Variants in RASAL2 observed in about 807,000 individuals in gnomAD.
RASAL2 encodes RAS protein activator like 2.
Under a neutral mutation model 128.9 loss-of-function variants are expected in RASAL2, and 58 were observed. The ratio of observed to expected loss-of-function variants is 0.45; its 90% CI spans 0.36 to 0.56. The LOEUF (loss-of-function observed/expected upper bound fraction) is 0.56, where lower values mean the gene tolerates loss of function less well. Ranked by LOEUF, RASAL2 falls within the 20% of genes least tolerant of loss-of-function variation. RASAL2 has a pLI of 0.00. For missense variants in RASAL2, 1,360 were observed against 1,601.6 expected (o/e 0.85, Z 2.57); for synonymous variants, 561 against 580.8 (o/e 0.97, Z 0.49).
chr1:178,099,632 T>G (rs987332184), intron 1 of RASAL2, among the ~76,000 whole-genome samples: 5 of 152,232 alleles, frequency 3.3e-5, no homozygotes, highest in Non-Finnish European at 7.3e-5. Flanking sequence ...CAAAACCATT[T>G]GGACTAGACA....
rs189271329 is a variant in RASAL2 at position 178,139,795 on chromosome 1, A to G, written c.202+45101A>G. 7.7e-4 allele frequency among the ~76,000 whole-genome samples: 117 copies of G among 152,138 alleles called. 1 individual carries two copies. The highest frequency in any genetic ancestry group is 9.8e-4 in the Admixed American group (15 of 15,282). ...AGTGATAAAATTATCTAAACACCCTATTACCTTTTATGGGAATGAAATGTA... is the reference window on the plus strand; with the variant it reads ...AGTGATAAAATTATCTAAACACCCTGTTACCTTTTATGGGAATGAAATGTA... On this transcript the variant is annotated intron_variant, in intron 1 of 17. Transcript: ENST00000367649.
chr1:178,265,820 A>T (rs543179372), intron 1 of RASAL2, among the ~76,000 whole-genome samples: 33 of 152,320 alleles, frequency 2.2e-4, no homozygotes, highest in Non-Finnish European at 3.7e-4. Context: ...CTGACTTTTA[A>T]TACTATAGAT....
At chr1:178,368,991 G>T (rs16852737) in intron 3 of RASAL2, among the ~76,000 whole-genome samples, 7,133 of 152,080 alleles carry the variant, frequency 0.047, 555 homozygotes, top group African/African-American at 0.16. Flanking sequence ...TTAGCAAAAT[G>T]TACAGCCCAC....
chr1:178,472,980 CTGTT>C (rs1648409757), intron 17 of RASAL2, 91 bp from the exon 18 acceptor site: 3 of 1,417,870 alleles, frequency 2.1e-6, no homozygotes, highest in Non-Finnish European at 2.9e-6. Context: ...ATGCATACAA[CTGTT>C]TGAGAGAAAG....
chr1:178,451,511 T>C, intron 9 of RASAL2, 60 bp from the exon 10 acceptor site: 14 of 1,520,626 alleles, frequency 9.2e-6, no homozygotes, highest in Non-Finnish European at 1.2e-5. Context: ...CATAAGTCCT[T>C]TTATTCTATT....
At chr1:178,429,021 G>A (rs1675712538) in intron 5 of RASAL2, among the ~76,000 whole-genome samples, 1 of 152,080 alleles carries the variant, frequency 6.6e-6, no homozygotes. Flanking sequence ...GAAATTTGAA[G>A]CTGACTTTTC....
intron 1 of RASAL2, among the ~76,000 whole-genome samples, chr1:178,181,266 C>T (rs754180956): frequency 1.3e-5 from 2 of 152,052 alleles, no homozygotes; most frequent in Non-Finnish European, 2.9e-5. Flanking sequence ...TTCCCTATTA[C>T]TTATATTAAC....
intron 4 of RASAL2, 148 bp downstream of exon 4, chr1:178,390,354 T>C (rs1672827517): frequency 1.8e-6 from 1 of 550,734 alleles, no homozygotes; most frequent in Non-Finnish European, 3.1e-6. Flanking sequence ...CTCATCAACT[T>C]GTGTAAATTA....
intron 4 of RASAL2, among the ~76,000 whole-genome samples, chr1:178,395,514 G>A (rs1673158185): frequency 6.6e-6 from 1 of 151,972 alleles, no homozygotes; most frequent in African/African-American, 2.4e-5. Flanking sequence ...CAAAATACTT[G>A]CTTTACCTTT....
chr1:178,133,626 T>C (rs529117370), intron 1 of RASAL2, among the ~76,000 whole-genome samples: 3 of 152,276 alleles, frequency 2.0e-5, no homozygotes, highest in South Asian at 2.1e-4. Flanking sequence ...TTAGGTACTT[T>C]AGGGTTATTA....
intron 1 of RASAL2, among the ~76,000 whole-genome samples, chr1:178,178,846 A>T (rs925682522): frequency 3.9e-5 from 6 of 152,184 alleles, no homozygotes; most frequent in Admixed American, 6.5e-5. Context: ...AAAAATCCTA[A>T]AGGACCCGGC....
At chr1:178,308,715 T>A (rs1337816138) in intron 3 of RASAL2, among the ~76,000 whole-genome samples, 1 of 151,950 alleles carries the variant, frequency 6.6e-6, no homozygotes, top group Non-Finnish European at 1.5e-5. Context: ...CTGGCTATTT[T>A]TTTTTTTAAT....
chr1:178,110,637 C>CATACATATATAT (rs1553250962), intron 1 of RASAL2, among the ~76,000 whole-genome samples: 2 of 15,646 alleles, frequency 1.3e-4, no homozygotes, highest in African/African-American at 2.2e-4. Flanking sequence ...ATAGTGTATA[C>CATACATATATAT]ATATATATAT....
Position 178,202,485 on chromosome 1 carries a change from G to A in RASAL2, c.203-81079G>A, listed in dbSNP as rs1047710140. On this transcript the variant is annotated intron_variant, in intron 1 of 17. Coordinates refer to ENST00000367649, the MANE Select transcript of RASAL2 (RefSeq NM_170692.4). Reference sequence around the variant, plus strand: ...TTCTAGGACATCCCTGGAGGATAGCGGTGAAGGAAAATCTTTCCAGTGGGC... The same window carrying A: ...TTCTAGGACATCCCTGGAGGATAGCAGTGAAGGAAAATCTTTCCAGTGGGC... 5.9e-5 allele frequency among the ~76,000 whole-genome samples: 9 copies of A among 152,318 alleles called. No individual in the cohort carries two copies. The South Asian group carries it at 1.0e-3, about 18-fold the overall frequency.
intron 1 of RASAL2, among the ~76,000 whole-genome samples, chr1:178,181,021 T>C (rs911838853): frequency 1.3e-5 from 2 of 152,182 alleles, no homozygotes; most frequent in Non-Finnish European, 2.9e-5. Context: ...GTTTATGGAA[T>C]CTGTAGTAAT....
intron 5 of RASAL2, among the ~76,000 whole-genome samples, chr1:178,426,444 C>T (rs1469924959): frequency 6.6e-6 from 1 of 152,084 alleles, no homozygotes; most frequent in African/African-American, 2.4e-5. Flanking sequence ...CCACTGCACT[C>T]CAGCCTGGGA....
chr1:178,346,467 C>T (rs1277792158), intron 3 of RASAL2, among the ~76,000 whole-genome samples: 1 of 151,730 alleles, frequency 6.6e-6, no homozygotes, highest in African/African-American at 2.4e-5. Context: ...TGATATTTTC[C>T]TTGAAGCATT....
At chr1:178,289,440 G>A (rs993715963) in intron 2 of RASAL2, among the ~76,000 whole-genome samples, 2 of 151,992 alleles carry the variant, frequency 1.3e-5, no homozygotes, top group African/African-American at 2.4e-5. Flanking sequence ...GTCCTCTAAT[G>A]CTGATGATTC....
chr1:178,138,311 G>A (rs1252148462), intron 1 of RASAL2, among the ~76,000 whole-genome samples: 2 of 152,164 alleles, frequency 1.3e-5, no homozygotes, highest in African/African-American at 4.8e-5. Flanking sequence ...CCCTGAAATA[G>A]TCATATGAAT....
Sources: allele counts gnomAD v4.1 joint callset (sites outside exome capture counted in the v4.1 genomes callset), GRCh38; gene constraint gnomAD v4.1.1; transcripts MANE v1.5; gene names NCBI Gene and HGNC (gene_info 2026-07-23, HGNC 2026-07-21).